The following RPS29 variants were observed in gnomAD, a reference collection of about 807,000 sequenced individuals.
RPS29 encodes the protein ribosomal protein S29, also known as small ribosomal subunit protein uS14.
For synonymous variants in RPS29, 37 were observed against 26.9 expected (o/e 1.37, Z -1.16); for missense variants, 60 against 75.7 (o/e 0.79, Z 0.77).
chr14:49,588,260 T>C (rs1389542445), upstream of RPS29, among the ~76,000 whole-genome samples: 3 of 152,194 alleles, frequency 2.0e-5, no homozygotes, highest in Admixed American at 1.3e-4. Flanking sequence ...AAAAGACAAA[T>C]GAGAAGCAAT....
upstream of RPS29, among the ~76,000 whole-genome samples, chr14:49,590,793 C>T (rs1228977282): frequency 6.6e-6 from 1 of 151,726 alleles, no homozygotes; most frequent in Non-Finnish European, 1.5e-5. Flanking sequence ...CAGGCTTAAG[C>T]GATTCTCCTG....
intron 2 of RPS29, 81 bp from the exon 3 acceptor site, chr14:49,583,756 G>A (rs547428736): frequency 4.9e-5 from 42 of 857,358 alleles, no homozygotes; most frequent in Non-Finnish European, 7.7e-5. Flanking sequence ...GCTCATTATA[G>A]AATGTTATAG....
exon 3 of RPS29, chr14:49,575,970 A>T (rs923850322): frequency 6.6e-6 from 1 of 152,226 alleles, no homozygotes; most frequent in Non-Finnish European, 1.5e-5. Flanking sequence ...ATTCTAAAAG[A>T]TAGAAGATAC....
downstream of RPS29, among the ~76,000 whole-genome samples, chr14:49,583,201 A>G (rs895287446): frequency 2.0e-5 from 3 of 152,206 alleles, no homozygotes; most frequent in Non-Finnish European, 2.9e-5. Flanking sequence ...ATGTTAACTC[A>G]GAGAAAATAA....
upstream of RPS29, among the ~76,000 whole-genome samples, chr14:49,590,477 A>G (rs976488729): frequency 6.6e-6 from 1 of 152,068 alleles, no homozygotes; most frequent in African/African-American, 2.4e-5. Flanking sequence ...TTCCGTCTCA[A>G]AAAAAAACAA....
chr14:49,596,311 C>T lies in RPS29; in HGVS notation c.-133+2089G>A, dbSNP rs1881821660. Among the ~76,000 whole-genome samples the T allele has an allele frequency of 2.0e-5, 3 of 152,108 alleles. No individual in the cohort carries two copies. The South Asian group carries it at 6.2e-4, about 32-fold the overall frequency. On this transcript the variant is annotated intron_variant, in intron 1 of 3. Transcript: ENST00000556230. Reference sequence around the variant, plus strand: ...TTTCTCTTGTCAAAAACTTGTAGTCCAATTATTTTTAACTCCTTATGTATT... The same window carrying T: ...TTTCTCTTGTCAAAAACTTGTAGTCTAATTATTTTTAACTCCTTATGTATT...
chr14:49,586,251 C>T, intron 1 of RPS29, 34 bp downstream of exon 1: 5 of 1,606,090 alleles, frequency 3.1e-6, no homozygotes, highest in South Asian at 1.1e-5. Flanking sequence ...CGCTCCACGG[C>T]AACGCTTCCC....
intron 2 of RPS29, among the ~76,000 whole-genome samples, chr14:49,578,475 T>C (rs1293911368): frequency 6.6e-6 from 1 of 151,964 alleles, no homozygotes; most frequent in Non-Finnish European, 1.5e-5. Flanking sequence ...AATAAAATTG[T>C]AGCACATATA....
chr14:49,586,886 A>T (rs1881596291), upstream of RPS29: 1 of 158,326 alleles, frequency 6.3e-6, no homozygotes, highest in Admixed American at 6.0e-5. Flanking sequence ...TCTTTTGAAC[A>T]ATAAATACGT....
chr14:49,597,129 G>C (rs900830429), intron 1 of RPS29, among the ~76,000 whole-genome samples: 1 of 152,078 alleles, frequency 6.6e-6, no homozygotes. Context: ...GGCCAGGCTG[G>C]TCTCCAACTC....
intron 2 of RPS29, among the ~76,000 whole-genome samples, chr14:49,584,472 AATTTACAACAG>A (rs1316401187): frequency 2.0e-5 from 3 of 152,208 alleles, no homozygotes; most frequent in Non-Finnish European, 2.9e-5. Context: ...TCATATTAAC[AATTTACAACAG>A]ACAGGGCGCC....
chr14:49,585,471 T>A (rs781396688), intron 2 of RPS29: 1 of 186,682 alleles, frequency 5.4e-6, no homozygotes, highest in African/African-American at 2.3e-5. Context: ...TCCCAGCTAC[T>A]CGGGACGCCA....
downstream of RPS29, among the ~76,000 whole-genome samples, chr14:49,582,012 C>CCAAAAAAAAAAAAAA (rs71115379): frequency 1.4e-3 from 146 of 106,482 alleles, 2 homozygotes; most frequent in African/African-American, 5.7e-3. Flanking sequence ...CCCTGCCCCC[C>CCAAAAAAAAAAAAAA]AAAAAAAAAA....
In RPS29 at chr14:49,595,205, A is replaced by G. The variant is rs1048348818; in HGVS notation, c.-133+3195T>C. ...TGAGTCTTAGATGATGTTTACCACT[A>G]AAAAAAAAACTAACTCCAACATCTG... is the stretch of plus-strand genomic sequence containing the variant. On this transcript the variant is annotated intron_variant, in intron 1 of 3. Coordinates refer to the RPS29 transcript ENST00000556230. 2.0e-5 allele frequency among the ~76,000 whole-genome samples: 3 copies of G among 147,668 alleles called. No homozygotes were observed. In the East Asian group the frequency reaches 5.9e-4, roughly 29 times the overall value.
Position 49,593,692 on chromosome 14 carries a change from C to CAAAAAAAAAA in RPS29, c.-133+4698_-133+4707dup, listed in dbSNP as rs10647593. Among the ~76,000 whole-genome samples the CAAAAAAAAAA allele has an allele frequency of 2.5e-4, 14 of 56,296 alleles. 3 individuals carry two copies. Among genetic ancestry groups the CAAAAAAAAAA allele is most frequent in the African/African-American group, 3.9e-4 (6 of 15,504 alleles). 36.9% of individuals were successfully genotyped at this position (56,296 alleles called of 152,430 possible). ...TGGGCGACAGAGCAAGACTCTGTCT[C>CAAAAAAAAAA]AAAAAAAAAAAAAAAAAAAAAAAAG... On this transcript the variant is annotated intron_variant, in intron 1 of 3. Transcript: ENST00000556230.
At position 49,592,680 on chromosome 14, in the gene RPS29, G is replaced by A. The variant is rs536318576; in HGVS notation, c.-133+5720C>T. Among the ~76,000 whole-genome samples the A allele has an allele frequency of 2.2e-3, 338 of 151,394 alleles. 6 individuals carry two copies. Among genetic ancestry groups the A allele is most frequent in the South Asian group, 4.6e-3 (22 of 4,790 alleles). ...TCCCAGCACTTTGGGAGGCCGAGAC[G>A]CGTGGGTCACCTGAGGTCAGGAGTT... On this transcript the variant is annotated intron_variant, in intron 1 of 3. Transcript: ENST00000556230.
intron 2 of RPS29, among the ~76,000 whole-genome samples, chr14:49,584,371 TAAC>T (rs1270167290): frequency 9.8e-5 from 15 of 152,368 alleles, no homozygotes; most frequent in African/African-American, 3.6e-4. Flanking sequence ...CTCCTCATTT[TAAC>T]AAGAAGCATA....
rs759458147 is a variant in RPS29, at chr14:49,586,033, G to C, written c.79C>G (p.Arg27Gly). The change falls in exon 2 of 3, where the codon CGG becomes GGG. Residue 27 changes from arginine (R) to glycine (G), a missense_variant. Coordinates refer to ENST00000245458, the MANE Select transcript of RPS29 (RefSeq NM_001032.5). ...CCATATTTCCGGATCAGACCGTGCC[G>C]GTTTGAACAGACACGACTGTAAGAA... ...GSRSCRVCSN[R>G]HGLIRKYGLN... 1.2e-6 allele frequency: 2 copies of C among 1,613,634 alleles called. No individual in the cohort carries two copies. The highest frequency in any genetic ancestry group is 1.7e-5 in the Admixed American group (1 of 59,982).
At chr14:49,572,547 A>G (rs1278999383) in exon 3 of RPS29, 1 of 152,138 alleles carries the variant, frequency 6.6e-6, no homozygotes, top group Non-Finnish European at 1.5e-5. Context: ...ACTTAATGGA[A>G]TTTTTTCACT....
Sources: allele counts gnomAD v4.1 joint callset (sites outside exome capture counted in the v4.1 genomes callset), GRCh38; gene constraint gnomAD v4.1.1; transcripts MANE v1.5; gene names NCBI Gene and HGNC (gene_info 2026-07-23, HGNC 2026-07-21).